TRAPPC9: variants seen among roughly 807,000 people sequenced by gnomAD.
TRAPPC9 encodes IKK2 binding protein.
TRAPPC9 carries 83 observed loss-of-function variants against 124.0 expected under a neutral mutation model. That is an observed-to-expected ratio of 0.67 (90% CI 0.56 to 0.80). TRAPPC9 has a LOEUF of 0.80. Among genes scored for constraint, TRAPPC9 ranks in the 30% least tolerant of loss-of-function variants. The pLI, the probability that TRAPPC9 is intolerant of heterozygous loss-of-function variation, is 0.00. For synonymous variants in TRAPPC9, 638 were observed against 617.5 expected, an observed-to-expected ratio of 1.03 and a Z score of -0.49; for missense variants, 1,302 against 1,508.3, an observed-to-expected ratio of 0.86 and a Z score of 2.27.
intron 21 of TRAPPC9, among the ~76,000 whole-genome samples, chr8:139,851,676 C>T (rs1050970470): frequency 2.0e-5 from 3 of 152,102 alleles, no homozygotes; most frequent in African/African-American, 4.8e-5. Flanking sequence ...GGAAATGAGT[C>T]GGGAAGGGGA....
At chr8:139,889,583 T>C (rs1004945411) in intron 20 of TRAPPC9, among the ~76,000 whole-genome samples, 1 of 152,162 alleles carries the variant, frequency 6.6e-6, no homozygotes, top group Non-Finnish European at 1.5e-5. Context: ...GGCTGCATGA[T>C]AATTTGAAAA....
At chr8:140,283,104 G>A (rs1433267023) in intron 14 of TRAPPC9, among the ~76,000 whole-genome samples, 2 of 151,642 alleles carry the variant, frequency 1.3e-5, no homozygotes, top group Non-Finnish European at 2.9e-5. Flanking sequence ...CAGGCGTAGT[G>A]GTACAAACCT....
intron 7 of TRAPPC9, among the ~76,000 whole-genome samples, chr8:140,379,969 C>T (rs1251924924): frequency 1.3e-5 from 2 of 152,172 alleles, no homozygotes; most frequent in Non-Finnish European, 2.9e-5. Context: ...TTGTAGGTAT[C>T]TCGTGTTCAT....
intron 20 of TRAPPC9, among the ~76,000 whole-genome samples, chr8:139,888,040 G>C (rs530404188): frequency 3.3e-5 from 5 of 152,272 alleles, no homozygotes; most frequent in African/African-American, 1.2e-4. Flanking sequence ...ACATTCTCAG[G>C]GTTCACTGCT....
intron 20 of TRAPPC9, among the ~76,000 whole-genome samples, chr8:139,906,478 AG>A (rs1364857317): frequency 1.3e-5 from 2 of 152,118 alleles, no homozygotes; most frequent in East Asian, 3.9e-4. Flanking sequence ...GGTCTGAGGG[AG>A]GGGACAAGAA....
intron 20 of TRAPPC9, among the ~76,000 whole-genome samples, chr8:139,886,540 G>A (rs1180224363): frequency 2.6e-5 from 4 of 152,208 alleles, no homozygotes; most frequent in African/African-American, 7.2e-5. Context: ...CCTTGCGCTA[G>A]TATTAAACAG....
At chr8:140,258,618 C>A (rs1432053298) in intron 15 of TRAPPC9, among the ~76,000 whole-genome samples, 1 of 152,234 alleles carries the variant, frequency 6.6e-6, no homozygotes, top group Non-Finnish European at 1.5e-5. Flanking sequence ...TTTACAGCAC[C>A]AAGATCCTCC....
At chr8:140,267,053 A>T (rs1343142429) in intron 15 of TRAPPC9, among the ~76,000 whole-genome samples, 1 of 151,346 alleles carries the variant, frequency 6.6e-6, no homozygotes, top group Non-Finnish European at 1.5e-5. Context: ...TGTAATAGTA[A>T]GAATTAAAAT....
At chr8:139,755,259 G>A (rs1051771859) in intron 21 of TRAPPC9, among the ~76,000 whole-genome samples, 1 of 152,186 alleles carries the variant, frequency 6.6e-6, no homozygotes, top group Non-Finnish European at 1.5e-5. Flanking sequence ...AGCCAGCCAG[G>A]GTTTGGGGAT....
intron 21 of TRAPPC9, among the ~76,000 whole-genome samples, chr8:139,832,240 CTCTT>C (rs1404892049): frequency 2.0e-5 from 3 of 152,240 alleles, no homozygotes; most frequent in Non-Finnish European, 4.4e-5. Context: ...GCAAAACGGC[CTCTT>C]TCTTCCTTGG....
At chr8:140,096,631 A>G (rs1223462122) in intron 17 of TRAPPC9, 1 of 152,222 alleles carries the variant, frequency 6.6e-6, no homozygotes, top group African/African-American at 2.4e-5. Flanking sequence ...AAGCAACTGG[A>G]AGGAAAAAGT....
At chr8:140,407,913 C>A (rs1476235346) in intron 5 of TRAPPC9, among the ~76,000 whole-genome samples, 2 of 152,116 alleles carry the variant, frequency 1.3e-5, no homozygotes, top group Non-Finnish European at 2.9e-5. Flanking sequence ...TGAGCCACTG[C>A]GTCTAGCTGA....
chr8:139,835,829 G>A (rs1271935884), intron 21 of TRAPPC9, among the ~76,000 whole-genome samples: 16 of 152,050 alleles, frequency 1.1e-4, no homozygotes, highest in Non-Finnish European at 1.5e-5. Context: ...AAAGGATGAG[G>A]CTCCGAGGAC....
chr8:140,407,631 T>C (rs1195145685), intron 5 of TRAPPC9, among the ~76,000 whole-genome samples: 1 of 152,128 alleles, frequency 6.6e-6, no homozygotes, highest in Non-Finnish European at 1.5e-5. Flanking sequence ...AAACAGAGTC[T>C]CTCTCTCTGT....
intron 18 of TRAPPC9, among the ~76,000 whole-genome samples, chr8:140,002,634 T>C (rs992516063): frequency 2.0e-5 from 3 of 152,096 alleles, no homozygotes; most frequent in Non-Finnish European, 2.9e-5. Context: ...TACACTAATA[T>C]AGCAGTAAGG....
chr8:140,272,119 G>GGTGATA (rs377622144), intron 15 of TRAPPC9, among the ~76,000 whole-genome samples: 1 of 144,578 alleles, frequency 6.9e-6, no homozygotes, highest in Non-Finnish European at 1.5e-5. Flanking sequence ...TGGTGGCAAT[G>GGTGATA]GTGATGGTGG....
At chr8:139,913,093 T>C (rs1831857116) in intron 19 of TRAPPC9, among the ~76,000 whole-genome samples, 1 of 152,194 alleles carries the variant, frequency 6.6e-6, no homozygotes, top group Non-Finnish European at 1.5e-5. Context: ...ACACGCTGGA[T>C]GCTGCGGCCA....
intron 13 of TRAPPC9, among the ~76,000 whole-genome samples, chr8:140,284,491 C>A (rs1046600138): frequency 6.6e-6 from 1 of 152,246 alleles, no homozygotes; most frequent in South Asian, 2.1e-4. Flanking sequence ...GTAGCTGCTG[C>A]TGATATGGCA....
chr8:139,997,536 CTA>C (rs1435801536), intron 18 of TRAPPC9, among the ~76,000 whole-genome samples: 13 of 148,792 alleles, frequency 8.7e-5, no homozygotes, highest in African/African-American at 3.0e-4. Context: ...ACAATGCATC[CTA>C]CACAGAAGAG....
Sources: gnomAD v4.1 joint callset for allele counts (sites outside exome capture counted in the v4.1 genomes callset) on GRCh38, gnomAD v4.1.1 for gene constraint, MANE v1.5 for transcripts, NCBI Gene and HGNC (gene_info 2026-07-23, HGNC 2026-07-21) for gene names.